DYNC2H1: variants seen among roughly 807,000 people sequenced by gnomAD.
DYNC2H1 encodes the protein dynein cytoplasmic 2 heavy chain 1.
A neutral mutation model predicts 570.0 loss-of-function variants in DYNC2H1; 410 were observed. The observed-to-expected ratio is 0.72, with a 90% confidence interval of 0.66 to 0.78. The LOEUF is 0.78. Ranked by LOEUF, DYNC2H1 falls within the 30% of genes least tolerant of loss-of-function variation. The pLI is 0.00. For missense variants in DYNC2H1, 4,865 were observed against 5,046.4 expected (o/e 0.96, Z 1.09); for synonymous variants, 1,688 against 1,677.6 (o/e 1.01, Z -0.15).
chr11:103,451,299 A>G (rs1944590646), intron 85 of DYNC2H1, among the ~76,000 whole-genome samples: 1 of 150,132 alleles, frequency 6.7e-6, no homozygotes, highest in African/African-American at 2.5e-5. Context: ...TTGCATTCCA[A>G]GAAATGAATC....
chr11:103,193,165 T>C (rs900657301), intron 47 of DYNC2H1, among the ~76,000 whole-genome samples: 6 of 152,140 alleles, frequency 3.9e-5, no homozygotes, highest in Admixed American at 1.3e-4. Flanking sequence ...AATCAGGAAA[T>C]GGGTTCAAGA....
intron 78 of DYNC2H1, 70 bp from the exon 79 acceptor site, chr11:103,311,808 A>G: frequency 6.9e-7 from 1 of 1,441,364 alleles, no homozygotes; most frequent in South Asian, 1.4e-5. Context: ...ATGTTCTTAA[A>G]TATGTTAAAA....
chr11:103,316,930 G>A (rs1663317621), intron 80 of DYNC2H1, among the ~76,000 whole-genome samples: 1 of 152,070 alleles, frequency 6.6e-6, no homozygotes, highest in Non-Finnish European at 1.5e-5. Flanking sequence ...AAATTCAGGA[G>A]TATAGCAGAC....
At chr11:103,331,145 C>G (rs1012404272) in intron 82 of DYNC2H1, among the ~76,000 whole-genome samples, 1 of 152,126 alleles carries the variant, frequency 6.6e-6, no homozygotes, top group Non-Finnish European at 1.5e-5. Flanking sequence ...TATGGCATAC[C>G]TAGGCACTGT....
chr11:103,265,421 C>A (rs1260173062), intron 70 of DYNC2H1, among the ~76,000 whole-genome samples: 1 of 152,202 alleles, frequency 6.6e-6, no homozygotes, highest in African/African-American at 2.4e-5. Context: ...CTCTCAGATT[C>A]TTTCCTCCAC....
In DYNC2H1 at chr11:103,280,348, G is replaced by T; in HGVS notation, c.10696G>T (p.Ala3566Ser). ...YEYICRCLFK[A>S]DQLMFALHFV... ...AGATAATATCTGTTATTCTTTGCAG[G>T]CTGATCAGTTGATGTTCGCTTTGCA... Residue 3566 changes from alanine (A) to serine (S), a missense_variant and splice_region_variant, in exon 71 of 89, where the codon GCT becomes TCT. Physicochemically the swap from Ala to Ser is moderately conservative, Grantham distance 99. This residue lies in a region of DYNC2H1 where 2,401 missense variants were observed against 2,454.6 expected (regional missense o/e 0.98). Coordinates refer to ENST00000375735, the MANE Select transcript of DYNC2H1 (RefSeq NM_001377.3). The surrounding 1 kb of genome is among the most constrained non-coding windows in gnomAD (Gnocchi z 4.7). 1 of 1,553,998 alleles carries T rather than the reference G, an allele frequency of 6.4e-7. No homozygotes were observed.
At position 103,316,902 on chromosome 11, in the gene DYNC2H1, C is replaced by T. The variant is rs370150090; in HGVS notation, c.11725+282C>T. ...GGCACTAACTGAATTTTTCAGATGT[C>T]TTTCAGGGGAACTGTTAAAATTCAG... On this transcript the variant is annotated intron_variant, in intron 80 of 88. Coordinates refer to ENST00000375735, the MANE Select transcript of DYNC2H1 (RefSeq NM_001377.3). 2.0e-5 allele frequency among the ~76,000 whole-genome samples: 3 copies of T among 152,140 alleles called. No homozygotes were observed. The East Asian group carries it at 5.8e-4, about 29-fold the overall frequency.
chr11:103,111,025 C>T (rs1858088153), intron 1 of DYNC2H1, among the ~76,000 whole-genome samples: 1 of 152,108 alleles, frequency 6.6e-6, no homozygotes, highest in Admixed American at 6.5e-5. Flanking sequence ...GGGGTTTCAC[C>T]ATGTTGGTCA....
intron 75 of DYNC2H1, among the ~76,000 whole-genome samples, chr11:103,290,707 T>G (rs544407643): frequency 5.3e-5 from 8 of 152,286 alleles, no homozygotes; most frequent in African/African-American, 1.9e-4. Flanking sequence ...TGTTTCTCCC[T>G]TTTTCTTTGT....
chr11:103,364,920 G>A (rs1361944320), intron 83 of DYNC2H1, among the ~76,000 whole-genome samples: 1 of 152,148 alleles, frequency 6.6e-6, no homozygotes, highest in Non-Finnish European at 1.5e-5. Flanking sequence ...TCAGGGAGCA[G>A]GCAGAAGTCA....
chr11:103,165,766 T>A (rs936223920), intron 30 of DYNC2H1, 132 bp from the exon 31 acceptor site: 13 of 653,580 alleles, frequency 2.0e-5, no homozygotes, highest in Middle Eastern at 4.3e-4. Flanking sequence ...TATTTAAGGT[T>A]CCAGTATGAC....
At position 103,479,778 on chromosome 11, in the gene DYNC2H1, A is replaced by G. The variant is rs915542193; in HGVS notation, c.*525A>G. Reference sequence around the variant, plus strand: ...TCATAATTATATACTTATAACTAATATCTTAAGGTAATTCAAATAGGAATA... The same window carrying G: ...TCATAATTATATACTTATAACTAATGTCTTAAGGTAATTCAAATAGGAATA... On this transcript the variant is annotated 3_prime_UTR_variant, in exon 89 of 89. Transcript: ENST00000375735. The G allele has an allele frequency of 1.3e-5, 2 of 152,066 alleles. No homozygotes were observed. Among genetic ancestry groups the G allele is most frequent in the African/African-American group, 4.8e-5 (2 of 41,422 alleles). The allele number at this position is 152,066 out of a possible 1,614,324, so 9.4% of individuals were successfully genotyped here.
intron 87 of DYNC2H1, among the ~76,000 whole-genome samples, chr11:103,459,358 T>C (rs1322318411): frequency 6.6e-6 from 1 of 151,278 alleles, no homozygotes; most frequent in African/African-American, 2.4e-5. Flanking sequence ...TATAGTTCAT[T>C]TCCTGCTCAA....
intron 71 of DYNC2H1, among the ~76,000 whole-genome samples, chr11:103,281,654 G>C (rs927711019): frequency 8.6e-5 from 13 of 151,674 alleles, no homozygotes; most frequent in Middle Eastern, 3.4e-3. Flanking sequence ...GGATGCCATG[G>C]GGAAGGTGTA....
chr11:103,136,248 C>T (rs1335695115), intron 17 of DYNC2H1, among the ~76,000 whole-genome samples: 2 of 147,518 alleles, frequency 1.4e-5, no homozygotes, highest in African/African-American at 5.0e-5. Context: ...TATTATTATA[C>T]TTTAATTTTT....
intron 65 of DYNC2H1, among the ~76,000 whole-genome samples, chr11:103,246,006 G>A (rs547525767): frequency 5.9e-5 from 9 of 152,058 alleles, no homozygotes; most frequent in Admixed American, 1.3e-4. Flanking sequence ...TGTTATTGGG[G>A]CAACGCAGAG....
At chr11:103,213,499 A>C (rs961528860) in intron 54 of DYNC2H1, among the ~76,000 whole-genome samples, 1 of 151,742 alleles carries the variant, frequency 6.6e-6, no homozygotes, top group Non-Finnish European at 1.5e-5. Flanking sequence ...GTTATATATA[A>C]TGATAATTTT....
chr11:103,164,785 C>G (rs1321068561), intron 30 of DYNC2H1, among the ~76,000 whole-genome samples: 1 of 152,044 alleles, frequency 6.6e-6, no homozygotes, highest in East Asian at 1.9e-4. Context: ...ATTTTATAAC[C>G]CAGGACTGTA....
chr11:103,420,285 T>C (rs1943434993), intron 84 of DYNC2H1, among the ~76,000 whole-genome samples: 1 of 151,994 alleles, frequency 6.6e-6, no homozygotes, highest in African/African-American at 2.4e-5. Flanking sequence ...ATTCAAGAAA[T>C]GTAGAGAACC....
Sources: gnomAD v4.1 joint callset for allele counts (sites outside exome capture counted in the v4.1 genomes callset) on GRCh38, gnomAD v4.1.1 for gene constraint, gnomAD v4.1.1 regional missense constraint, Gnocchi (gnomAD v3.1) non-coding constraint, MANE v1.5 for transcripts, NCBI Gene and HGNC (gene_info 2026-07-23, HGNC 2026-07-21) for gene names.